The following MAGI2 variants were observed in gnomAD, a reference collection of about 807,000 sequenced individuals.
MAGI2 encodes the protein membrane associated guanylate kinase, WW and PDZ domain containing 2.
MAGI2 carries 35 observed loss-of-function variants against 133.3 expected under a neutral mutation model. The observed-to-expected ratio is 0.26, with a 90% CI of 0.20 to 0.35. The LOEUF (loss-of-function observed/expected upper bound fraction) is 0.35. Ranked by LOEUF, MAGI2 falls within the 10% of genes least tolerant of loss-of-function variation. The pLI is 1.00. For synonymous variants in MAGI2, 729 were observed against 710.6 expected, an observed-to-expected ratio of 1.03 and a Z score of -0.41; for missense variants, 1,636 against 1,863.4, an observed-to-expected ratio of 0.88 and a Z score of 2.25.
chr7:78,826,373 G>C (rs1001595340), intron 2 of MAGI2, among the ~76,000 whole-genome samples: 188 of 140,662 alleles, frequency 1.3e-3, no homozygotes, highest in African/African-American at 4.8e-3. Context: ...AAAAAAAAAA[G>C]AGTATATTAA....
chr7:78,649,236 G>GAAAAAGA (rs1811260626), intron 2 of MAGI2, among the ~76,000 whole-genome samples: 1 of 88,188 alleles, frequency 1.1e-5, no homozygotes, highest in East Asian at 3.2e-4. Context: ...AAAAAAAAAA[G>GAAAAAGA]AAAAAAAAAG....
At chr7:79,191,314 G>A (rs1827633920) in intron 1 of MAGI2, among the ~76,000 whole-genome samples, 1 of 145,284 alleles carries the variant, frequency 6.9e-6, no homozygotes. Context: ...TAGAGATTAT[G>A]TCTCTCAAAT....
chr7:78,972,335 C>A (rs1287655808), intron 2 of MAGI2, among the ~76,000 whole-genome samples: 1 of 151,748 alleles, frequency 6.6e-6, no homozygotes, highest in African/African-American at 2.4e-5. Flanking sequence ...AAAATTAATT[C>A]TTGTTCAATA....
intron 1 of MAGI2, among the ~76,000 whole-genome samples, chr7:79,076,151 A>G (rs1815442220): frequency 6.6e-6 from 1 of 152,220 alleles, no homozygotes; most frequent in South Asian, 2.1e-4. Context: ...TCTCAACTTT[A>G]TGGTGCATCA....
intron 1 of MAGI2, among the ~76,000 whole-genome samples, chr7:79,192,551 A>G (rs1827764752): frequency 6.6e-6 from 1 of 151,752 alleles, no homozygotes; most frequent in African/African-American, 2.4e-5. Flanking sequence ...AGTGGTTAGA[A>G]AAGGCTTTTC....
chr7:78,615,729 G>A (rs181425399), intron 3 of MAGI2: 4 of 152,294 alleles, frequency 2.6e-5, no homozygotes, highest in Admixed American at 2.6e-4. Context: ...ACCCATCATT[G>A]TCAGGATTAC....
At chr7:78,591,389 T>C (rs539437111) in intron 3 of MAGI2, among the ~76,000 whole-genome samples, 1 of 152,226 alleles carries the variant, frequency 6.6e-6, no homozygotes, top group Non-Finnish European at 1.5e-5. Context: ...TGGTATCTAA[T>C]GTAGCCACAT....
chr7:78,481,691 C>T (rs1402653845), intron 6 of MAGI2, among the ~76,000 whole-genome samples: 1 of 148,038 alleles, frequency 6.8e-6, no homozygotes, highest in Non-Finnish European at 1.5e-5. Flanking sequence ...GGTGCTGGAA[C>T]AGTTCAACAT....
At chr7:79,382,157 A>G (rs1303198239) in intron 1 of MAGI2, among the ~76,000 whole-genome samples, 2 of 151,588 alleles carry the variant, frequency 1.3e-5, no homozygotes, top group Non-Finnish European at 3.0e-5. Context: ...TTTATGCTCA[A>G]CCATAAGTTA....
chr7:79,056,376 A>G (rs1360051089), intron 1 of MAGI2, among the ~76,000 whole-genome samples: 1 of 152,216 alleles, frequency 6.6e-6, no homozygotes, highest in African/African-American at 2.4e-5. Flanking sequence ...AATCACGTAT[A>G]GTTATTTTGT....
intron 2 of MAGI2, among the ~76,000 whole-genome samples, chr7:78,681,208 T>A (rs184791624): frequency 4.6e-5 from 7 of 152,208 alleles, no homozygotes; most frequent in African/African-American, 1.7e-4. Context: ...AAACTGCCCC[T>A]GTTTGAGACC....
chr7:79,230,821 C>A (rs1165272478), intron 1 of MAGI2, among the ~76,000 whole-genome samples: 1 of 150,192 alleles, frequency 6.7e-6, no homozygotes, highest in East Asian at 2.0e-4. Flanking sequence ...TCAATTTTGT[C>A]TTTTGTTGCC....
chr7:78,563,377 C>T (rs1388516396), intron 3 of MAGI2, among the ~76,000 whole-genome samples: 2 of 152,142 alleles, frequency 1.3e-5, no homozygotes, highest in African/African-American at 4.8e-5. Flanking sequence ...GCAGCATGCA[C>T]CTTCCCGTGC....
chr7:78,348,275 A>G (rs958946849), intron 7 of MAGI2: 1 of 152,156 alleles, frequency 6.6e-6, no homozygotes, highest in Non-Finnish European at 1.5e-5. Context: ...CTAAGCTTCA[A>G]TATCTTTATC....
At chr7:78,183,392 A>T (rs1827378629) in intron 13 of MAGI2, among the ~76,000 whole-genome samples, 1 of 149,896 alleles carries the variant, frequency 6.7e-6, no homozygotes, top group African/African-American at 2.5e-5. Flanking sequence ...CAGCTTCCCG[A>T]GTAGCTGGGA....
chr7:78,326,078 CATAACAGACAAGCTG>C (rs1297688549), intron 9 of MAGI2, among the ~76,000 whole-genome samples: 1 of 152,158 alleles, frequency 6.6e-6, no homozygotes, highest in Non-Finnish European at 1.5e-5. Flanking sequence ...AGGCTTCAGG[CATAACAGACAAGCTG>C]ATGGTTCTCC....
intron 1 of MAGI2, among the ~76,000 whole-genome samples, chr7:79,437,216 A>G (rs1848204356): frequency 6.6e-6 from 1 of 152,126 alleles, no homozygotes; most frequent in Admixed American, 6.6e-5. Flanking sequence ...GAGAGGGGAC[A>G]AGGGTTGAAA....
chr7:79,068,894 C>T (rs1449597990), intron 1 of MAGI2, among the ~76,000 whole-genome samples: 1 of 152,050 alleles, frequency 6.6e-6, no homozygotes, highest in Non-Finnish European at 1.5e-5. Context: ...TGTAGATGTG[C>T]AGTTTTGAGT....
At chr7:79,141,543 TAA>T (rs1401333469) in intron 1 of MAGI2, among the ~76,000 whole-genome samples, 1 of 152,232 alleles carries the variant, frequency 6.6e-6, no homozygotes, top group African/African-American at 2.4e-5. Flanking sequence ...ATTGTTATTC[TAA>T]CTTTCCTTTG....
Sources: gnomAD v4.1 joint callset for allele counts (sites outside exome capture counted in the v4.1 genomes callset) on GRCh38, gnomAD v4.1.1 for gene constraint, MANE v1.5 for transcripts, NCBI Gene and HGNC (gene_info 2026-07-23, HGNC 2026-07-21) for gene names.